The following PIK3CB variants were observed in gnomAD, a reference collection of about 807,000 sequenced individuals.
The protein encoded by PIK3CB is phosphatidylinositol-4,5-bisphosphate 3-kinase catalytic subunit beta, also known as phosphatidylinositol 4,5-bisphosphate 3-kinase catalytic subunit beta isoform.
A neutral mutation model predicts 136.8 loss-of-function variants in PIK3CB; 39 were observed. That is an observed-to-expected ratio of 0.29 (90% CI 0.22 to 0.37). The LOEUF is 0.37. PIK3CB is among the 10% of genes least tolerant of loss of function. The pLI is 1.00. For synonymous variants in PIK3CB, 428 were observed against 436.6 expected, an observed-to-expected ratio of 0.98 and a Z score of 0.25; for missense variants, 868 against 1,275.4, an observed-to-expected ratio of 0.68 and a Z score of 4.87.
At chr3:138,729,321 A>C (rs2044917282) in intron 8 of PIK3CB, among the ~76,000 whole-genome samples, 1 of 152,012 alleles carries the variant, frequency 6.6e-6, no homozygotes, top group Non-Finnish European at 1.5e-5. Flanking sequence ...GGTTAATTTT[A>C]TGTGTCAACT....
rs1218135356 is a variant in PIK3CB at position 138,691,141 on chromosome 3, T to A, written c.1895A>T (p.Asp632Val). The change falls in exon 15 of 24, where the codon GAT (aspartate) becomes GTT (valine). Residue 632 changes from aspartate to valine, a missense_variant and splice_region_variant. This residue lies in a region of PIK3CB where 612 missense variants were observed against 801.1 expected (regional missense o/e 0.76). Coordinates refer to ENST00000674063, the MANE Select transcript of PIK3CB (RefSeq NM_006219.3). ...TAAAAGATATTGAGAAAGTTCTTCA[T>A]CACTGAAAGAAACAAAAGACACAGT... The part of the protein sequence containing the change: ...YAVGCLRQMS[D>V]EELSQYLLQL... 5 of 1,611,702 alleles carry A rather than the reference T, an allele frequency of 3.1e-6. No homozygotes were observed. The highest frequency in any genetic ancestry group is 4.2e-6 in the Non-Finnish European group (5 of 1,179,190).
intron 14 of PIK3CB, among the ~76,000 whole-genome samples, 163 bp from the exon 15 acceptor site, chr3:138,691,306 A>C (rs1388988695): frequency 6.6e-6 from 1 of 152,204 alleles, no homozygotes; most frequent in Non-Finnish European, 1.5e-5. Flanking sequence ...AATATCACAA[A>C]AAAAGCTGAA....
At chr3:138,806,158 TTTA>T (rs1259404651) in intron 1 of PIK3CB, among the ~76,000 whole-genome samples, 2 of 152,104 alleles carry the variant, frequency 1.3e-5, no homozygotes, top group Non-Finnish European at 2.9e-5. Context: ...ATATCAGTGG[TTTA>T]TTTATTAAAT....
chr3:138,742,237 T>G (rs1388816262), intron 5 of PIK3CB, among the ~76,000 whole-genome samples: 2 of 152,220 alleles, frequency 1.3e-5, no homozygotes, highest in Non-Finnish European at 2.9e-5. Context: ...TTACTTCTTC[T>G]TCTTTTAAAC....
intron 12 of PIK3CB, among the ~76,000 whole-genome samples, chr3:138,701,106 G>A (rs2044243111): frequency 6.6e-6 from 1 of 151,704 alleles, no homozygotes; most frequent in Non-Finnish European, 1.5e-5. Context: ...CACTAAAAAT[G>A]CATAACTGGG....
intron 1 of PIK3CB, among the ~76,000 whole-genome samples, chr3:138,817,266 G>C (rs971885810): frequency 1.3e-5 from 2 of 151,942 alleles, no homozygotes; most frequent in Non-Finnish European, 2.9e-5. Flanking sequence ...TGAACCCCGG[G>C]GGGCGGAGCC....
chr3:138,747,138 A>C (rs2045377948), intron 4 of PIK3CB, among the ~76,000 whole-genome samples: 1 of 121,878 alleles, frequency 8.2e-6, no homozygotes, highest in Non-Finnish European at 1.7e-5. Flanking sequence ...CAATCACAGC[A>C]CACTAGTACC....
intron 4 of PIK3CB, among the ~76,000 whole-genome samples, chr3:138,751,920 A>G (rs147423433): frequency 0.013 from 1,994 of 150,156 alleles, 44 homozygotes; most frequent in Middle Eastern, 0.045. Context: ...GCAGTGAGCC[A>G]AGATCACGCC....
intron 9 of PIK3CB, among the ~76,000 whole-genome samples, chr3:138,712,833 T>C (rs1480981718): frequency 1.3e-5 from 2 of 152,102 alleles, no homozygotes; most frequent in African/African-American, 2.4e-5. Context: ...TCTTAAAGTG[T>C]TGGAATTACA....
At chr3:138,748,242 G>A (rs754570241) in intron 4 of PIK3CB, among the ~76,000 whole-genome samples, 2 of 151,778 alleles carry the variant, frequency 1.3e-5, no homozygotes, top group African/African-American at 2.4e-5. Context: ...CAACCTGAGA[G>A]ATTCAGGACC....
At chr3:138,797,833 T>C (rs2046125593) in intron 1 of PIK3CB, among the ~76,000 whole-genome samples, 1 of 152,070 alleles carries the variant, frequency 6.6e-6, no homozygotes, top group Admixed American at 6.6e-5. Flanking sequence ...CATGTGCCTG[T>C]GATCCAGTTA....
chr3:138,819,585 A>T (rs1397675632), intron 1 of PIK3CB, among the ~76,000 whole-genome samples: 3 of 152,188 alleles, frequency 2.0e-5, no homozygotes, highest in Non-Finnish European at 2.9e-5. Context: ...ACATTAGAAT[A>T]AGAAGGACAT....
intron 8 of PIK3CB, among the ~76,000 whole-genome samples, chr3:138,715,906 CAGAT>C (rs2044597175): frequency 1.3e-5 from 2 of 151,642 alleles, no homozygotes; most frequent in African/African-American, 4.8e-5. Context: ...TAAATGAACA[CAGAT>C]GGATTAGAGA....
At chr3:138,812,533 CTT>C (rs550881142) in intron 1 of PIK3CB, among the ~76,000 whole-genome samples, 1 of 137,004 alleles carries the variant, frequency 7.3e-6, no homozygotes, top group Admixed American at 7.4e-5. Context: ...CTGTGCCTGG[CTT>C]TTTTTTTTTT....
chr3:138,735,913 A>G (rs2045092933), intron 6 of PIK3CB, among the ~76,000 whole-genome samples: 2 of 152,164 alleles, frequency 1.3e-5, no homozygotes, highest in Non-Finnish European at 1.5e-5. Context: ...ACTTTTCACT[A>G]TGAAAGATCC....
chr3:138,759,131 CACAGTAT>C (rs1354641116), intron 3 of PIK3CB, 35 bp downstream of exon 3: 5 of 1,207,748 alleles, frequency 4.1e-6, no homozygotes, highest in Non-Finnish European at 5.8e-6. Context: ...CCCCAAGTGA[CACAGTAT>C]GCTAAACACA....
intron 18 of PIK3CB, among the ~76,000 whole-genome samples, chr3:138,683,419 C>T (rs151056059): frequency 3.6e-4 from 54 of 150,536 alleles, no homozygotes; most frequent in Middle Eastern, 3.5e-3. Context: ...AAGGAGTAGG[C>T]GCGTTTTGTA....
intron 8 of PIK3CB, among the ~76,000 whole-genome samples, chr3:138,716,495 A>G (rs1481180410): frequency 6.6e-6 from 1 of 152,226 alleles, no homozygotes; most frequent in Non-Finnish European, 1.5e-5. Flanking sequence ...TCAATTCATC[A>G]TGAAGTCTAT....
intron 12 of PIK3CB, among the ~76,000 whole-genome samples, chr3:138,702,350 T>C (rs2044273276): frequency 6.6e-6 from 1 of 151,860 alleles, no homozygotes; most frequent in Admixed American, 6.6e-5. Context: ...GCTGCGATTA[T>C]AGGGGTGAGC....
Sources: gnomAD v4.1 joint callset for allele counts (sites outside exome capture counted in the v4.1 genomes callset) on GRCh38, gnomAD v4.1.1 for gene constraint, gnomAD v4.1.1 regional missense constraint, MANE v1.5 for transcripts, NCBI Gene and HGNC (gene_info 2026-07-23, HGNC 2026-07-21) for gene names.